The following ADAMTS16 variants were observed in gnomAD, a reference collection of about 807,000 sequenced individuals.
The protein encoded by ADAMTS16 is ADAM metallopeptidase with thrombospondin type 1 motif 16, also known as A disintegrin and metalloproteinase with thrombospondin motifs 16.
A neutral mutation model predicts 145.8 loss-of-function variants in ADAMTS16; 94 were observed. The ratio of observed to expected loss-of-function variants is 0.64; its 90% CI spans 0.55 to 0.77. ADAMTS16 has a LOEUF of 0.77. Among genes scored for constraint, ADAMTS16 ranks in the 30% least tolerant of loss-of-function variants. The pLI is 0.00. For missense variants in ADAMTS16, 1,585 were observed against 1,591.5 expected, an observed-to-expected ratio of 1.00 and a Z score of 0.07; for synonymous variants, 659 against 604.3, an observed-to-expected ratio of 1.09 and a Z score of -1.33.
intron 5 of ADAMTS16, 147 bp from the exon 6 acceptor site, chr5:5,187,578 T>C: frequency 3.1e-6 from 2 of 650,576 alleles, no homozygotes; most frequent in Non-Finnish European, 5.5e-6. Flanking sequence ...TACCGTGATA[T>C]GATTAATACA....
intron 10 of ADAMTS16, among the ~76,000 whole-genome samples, chr5:5,220,379 C>T (rs1020629172): frequency 2.2e-4 from 33 of 150,960 alleles, no homozygotes; most frequent in African/African-American, 6.8e-4. Context: ...AGGATGATCT[C>T]GATCTCCTGA....
intron 21 of ADAMTS16, among the ~76,000 whole-genome samples, chr5:5,315,530 G>A (rs887316095): frequency 2.0e-5 from 3 of 152,108 alleles, no homozygotes; most frequent in Non-Finnish European, 4.4e-5. Context: ...TGCCTGAGCC[G>A]CTTATCATAA....
At chr5:5,143,384 A>G (rs570116104) in intron 2 of ADAMTS16, among the ~76,000 whole-genome samples, 6 of 152,356 alleles carry the variant, frequency 3.9e-5, no homozygotes, top group African/African-American at 1.4e-4. Flanking sequence ...AAAAAACCTC[A>G]TCATCATTGG....
chr5:5,183,954 A>T (rs1028102222), intron 4 of ADAMTS16, among the ~76,000 whole-genome samples: 45 of 152,356 alleles, frequency 3.0e-4, no homozygotes, highest in Admixed American at 2.6e-4. Context: ...AAGCTCAACA[A>T]ACTGCCTCTT....
intron 14 of ADAMTS16, among the ~76,000 whole-genome samples, chr5:5,238,355 C>A (rs2964432): frequency 0.51 from 78,181 of 152,044 alleles, 20,424 homozygotes; most frequent in African/African-American, 0.59. Flanking sequence ...TACTGTAAAT[C>A]TGTAGGGTTT....
At chr5:5,280,553 C>G (rs1288131128) in intron 18 of ADAMTS16, among the ~76,000 whole-genome samples, 1 of 152,142 alleles carries the variant, frequency 6.6e-6, no homozygotes, top group Non-Finnish European at 1.5e-5. Flanking sequence ...CGTTTAAACA[C>G]CTCTGGCTGA....
intron 6 of ADAMTS16, among the ~76,000 whole-genome samples, chr5:5,188,999 T>C (rs921241116): frequency 1.3e-5 from 2 of 152,232 alleles, no homozygotes; most frequent in Admixed American, 6.5e-5. Flanking sequence ...GGAAATCACC[T>C]GCTAAAGAAC....
rs750959529 is a variant in ADAMTS16, at chr5:5,306,646, C to A, written c.3329C>A (p.Ala1110Asp). The A allele has an allele frequency of 5.3e-5, 86 of 1,614,038 alleles. No individual in the cohort carries two copies. Among genetic ancestry groups the A allele is most frequent in the Non-Finnish European group, 7.2e-5 (85 of 1,180,038 alleles). The change falls in exon 21 of 23, where the codon GCC becomes GAC. Residue 1110 changes from alanine (A) to aspartate (D), a missense_variant. Physicochemically the swap from Ala to Asp is moderately radical, Grantham distance 126. Transcript: ENST00000274181. Reference protein sequence around the residue: ...KPSLELERACAPLPCPRHPPF... With the variant: ...KPSLELERACDPLPCPRHPPF... Reference sequence around the variant, plus strand: ...AGCCTGGAGCTGGAACGTGCCTGCGCCCCGCTTCCATGCCCCAGGCACCCC... The same window carrying A: ...AGCCTGGAGCTGGAACGTGCCTGCGACCCGCTTCCATGCCCCAGGCACCCC...
chr5:5,142,651 G>A (rs1345662800), intron 2 of ADAMTS16, among the ~76,000 whole-genome samples: 1 of 152,132 alleles, frequency 6.6e-6, no homozygotes, highest in Non-Finnish European at 1.5e-5. Context: ...AGACAAGTTG[G>A]TTCTGAAATA....
intron 19 of ADAMTS16, 47 bp downstream of exon 19, chr5:5,303,516 A>T: frequency 1.2e-6 from 2 of 1,608,266 alleles, no homozygotes; most frequent in Middle Eastern, 1.7e-4. Context: ...CCCCTGCATG[A>T]TCTGCTGTGT....
intron 3 of ADAMTS16, among the ~76,000 whole-genome samples, chr5:5,166,109 T>C (rs1278829466): frequency 1.3e-5 from 2 of 152,120 alleles, no homozygotes; most frequent in Admixed American, 6.6e-5. Context: ...AAAATATCTC[T>C]TTTTTTGCCA....
chr5:5,176,435 A>C (rs1735197862), intron 3 of ADAMTS16, among the ~76,000 whole-genome samples: 1 of 152,248 alleles, frequency 6.6e-6, no homozygotes, highest in African/African-American at 2.4e-5. Context: ...TATGAAGATT[A>C]GATTGTAGAG....
intron 18 of ADAMTS16, among the ~76,000 whole-genome samples, chr5:5,276,228 C>T (rs1271396249): frequency 6.6e-6 from 1 of 152,136 alleles, no homozygotes; most frequent in Non-Finnish European, 1.5e-5. Context: ...GGATTTAGGT[C>T]CACCAATTTA....
intron 21 of ADAMTS16, among the ~76,000 whole-genome samples, chr5:5,313,918 GTCA>G (rs1394706025): frequency 6.6e-6 from 1 of 152,216 alleles, no homozygotes; most frequent in Non-Finnish European, 1.5e-5. Context: ...TAAATCTGCT[GTCA>G]TCATCTCCCA....
rs75917873 is a variant in ADAMTS16, at chr5:5,283,350, C to T, written c.2790-19918C>T. Among the ~76,000 whole-genome samples the T allele has an allele frequency of 6.0e-3, 914 of 152,250 alleles. 7 individuals carry two copies. Among genetic ancestry groups the T allele is most frequent in the African/African-American group, 0.02 (849 of 41,536 alleles). ...CTAAATTTTTGCTCATGGCTTTTCTCCTACATAACTATTCTATAGTGGCCT... is the reference window on the plus strand; with the variant it reads ...CTAAATTTTTGCTCATGGCTTTTCTTCTACATAACTATTCTATAGTGGCCT... On this transcript the variant is annotated intron_variant, in intron 18 of 22. Transcript: ENST00000274181.
At chr5:5,265,778 G>A (rs1017911111) in intron 18 of ADAMTS16, among the ~76,000 whole-genome samples, 25 of 152,178 alleles carry the variant, frequency 1.6e-4, no homozygotes, top group African/African-American at 5.6e-4. Flanking sequence ...GTCTGCTTGT[G>A]TTCCAGTTGG....
intron 13 of ADAMTS16, 29 bp from the exon 14 acceptor site, chr5:5,236,940 T>C (rs763926639): frequency 1.3e-6 from 2 of 1,585,500 alleles, no homozygotes; most frequent in Non-Finnish European, 1.7e-6. Context: ...TTTTTCTTAT[T>C]TGTGTTTGTG....
intron 13 of ADAMTS16, among the ~76,000 whole-genome samples, chr5:5,236,559 G>C (rs1737111332): frequency 6.6e-6 from 1 of 151,394 alleles, no homozygotes; most frequent in Non-Finnish European, 1.5e-5. Context: ...TGATGTTTTT[G>C]ATTCTTTTAT....
At chr5:5,154,773 G>GTTT (rs1171908935) in intron 3 of ADAMTS16, among the ~76,000 whole-genome samples, 1 of 152,190 alleles carries the variant, frequency 6.6e-6, no homozygotes, top group Non-Finnish European at 1.5e-5. Context: ...TGGCATAGCA[G>GTTT]AAGTGAGATT....
Sources: gnomAD v4.1 joint callset for allele counts (sites outside exome capture counted in the v4.1 genomes callset) on GRCh38, gnomAD v4.1.1 for gene constraint, MANE v1.5 for transcripts, NCBI Gene and HGNC (gene_info 2026-07-23, HGNC 2026-07-21) for gene names.